CEP112: variants seen among roughly 807,000 people sequenced by gnomAD.
CEP112 encodes centrosomal protein 112.
In CEP112, 127 loss-of-function variants were observed where a neutral mutation model predicts 153.0. The ratio of observed to expected loss-of-function variants is 0.83; its 90% CI spans 0.72 to 0.96. The LOEUF (loss-of-function observed/expected upper bound fraction) is 0.96, where lower values mean the gene tolerates loss of function less well. Ranked by LOEUF, CEP112 falls within the 40% of genes least tolerant of loss-of-function variation. The pLI is 0.00. For missense variants in CEP112, 1,089 were observed against 1,101.2 expected (o/e 0.99, Z 0.16); for synonymous variants, 358 against 374.4 (o/e 0.96, Z 0.51).
chr17:66,028,273 G>T, intron 15 of CEP112, 40 bp downstream of exon 15: 1 of 1,235,916 alleles, frequency 8.1e-7, no homozygotes, highest in Non-Finnish European at 1.2e-6. Context: ...AGAAAACTGT[G>T]TTTGACCATT....
At chr17:65,919,954 T>TATGA (rs1341932221) in intron 19 of CEP112, among the ~76,000 whole-genome samples, 1 of 152,102 alleles carries the variant, frequency 6.6e-6, no homozygotes, top group Non-Finnish European at 1.5e-5. Context: ...ATCCACCACC[T>TATGA]ATGAACTCTG....
intron 24 of CEP112, among the ~76,000 whole-genome samples, chr17:65,688,035 C>T (rs1220756050): frequency 6.6e-6 from 1 of 152,166 alleles, no homozygotes; most frequent in Non-Finnish European, 1.5e-5. Context: ...TACATGTTGA[C>T]TTTTTAGTTT....
chr17:65,951,792 T>TCTGGTTTCA (rs2061846006), intron 18 of CEP112, among the ~76,000 whole-genome samples: 1 of 147,968 alleles, frequency 6.8e-6, no homozygotes, highest in Non-Finnish European at 1.5e-5. Flanking sequence ...CTTTTCTTTT[T>TCTGGTTTCA]CTGGTTTCAT....
At chr17:65,872,941 T>C (rs1410166842) in intron 20 of CEP112, 1 of 152,226 alleles carries the variant, frequency 6.6e-6, no homozygotes, top group Non-Finnish European at 1.5e-5. Flanking sequence ...GCCTACTAGT[T>C]GCATGTTGTA....
intron 4 of CEP112, among the ~76,000 whole-genome samples, chr17:66,170,148 C>T (rs2072183948): frequency 6.6e-6 from 1 of 152,146 alleles, no homozygotes; most frequent in African/African-American, 2.4e-5. Context: ...TATCCCATTA[C>T]CATTGCCATA....
At chr17:65,989,214 G>C (rs2063505648) in intron 17 of CEP112, among the ~76,000 whole-genome samples, 1 of 140,480 alleles carries the variant, frequency 7.1e-6, no homozygotes, top group South Asian at 2.3e-4. Context: ...CAGCCTGGGA[G>C]ACAGAGTGAG....
In CEP112 at chr17:65,986,199, C is replaced by G. The variant is rs578246918; in HGVS notation, c.1736+19491G>C. On this transcript the variant is annotated intron_variant, in intron 17 of 26. Coordinates refer to ENST00000535342, the MANE Select transcript of CEP112 (RefSeq NM_001199165.4). ...GAAAAAAAATAAAACATCGCAAGAACAGTAATAACTCAGATAAACAGAAAA... is the reference window on the plus strand; with the variant it reads ...GAAAAAAAATAAAACATCGCAAGAAGAGTAATAACTCAGATAAACAGAAAA... 2.0e-5 allele frequency among the ~76,000 whole-genome samples: 3 copies of G among 152,052 alleles called. No homozygotes were observed. In the South Asian group the frequency reaches 6.2e-4, roughly 32 times the overall value.
intron 23 of CEP112, among the ~76,000 whole-genome samples, chr17:65,739,864 T>C (rs2051025827): frequency 6.6e-6 from 1 of 152,224 alleles, no homozygotes; most frequent in Non-Finnish European, 1.5e-5. Flanking sequence ...ATGCCTGCTG[T>C]TAGTCTCACC....
At chr17:66,189,279 T>C (rs2073070644) in intron 1 of CEP112, among the ~76,000 whole-genome samples, 1 of 152,154 alleles carries the variant, frequency 6.6e-6, no homozygotes, top group South Asian at 2.1e-4. Flanking sequence ...GGCAGGCGGA[T>C]AACTTGAGGT....
At chr17:65,945,709 C>A (rs573229484) in intron 18 of CEP112, among the ~76,000 whole-genome samples, 1 of 151,936 alleles carries the variant, frequency 6.6e-6, no homozygotes, top group African/African-American at 2.4e-5. Flanking sequence ...TGTAATGGTG[C>A]GATCTCGGCT....
intron 5 of CEP112, 27 bp downstream of exon 5, chr17:66,132,643 C>A (rs1457745817): frequency 3.9e-6 from 6 of 1,535,370 alleles, no homozygotes; most frequent in Non-Finnish European, 4.5e-6. Flanking sequence ...CAAGCAAAAA[C>A]CAAACAAAAG....
intron 17 of CEP112, among the ~76,000 whole-genome samples, chr17:65,970,417 AT>A (rs2062664201): frequency 1.1e-5 from 1 of 94,426 alleles, no homozygotes; most frequent in East Asian, 1.4e-3. Flanking sequence ...TCATGCATGT[AT>A]ATTACATGCA....
intron 24 of CEP112, among the ~76,000 whole-genome samples, chr17:65,643,389 C>T (rs949197288): frequency 1.3e-5 from 2 of 152,102 alleles, no homozygotes; most frequent in African/African-American, 2.4e-5. Flanking sequence ...CCTCTGCCTC[C>T]CAGGTTCCAG....
At chr17:65,864,757 G>C (rs977335838) in intron 20 of CEP112, among the ~76,000 whole-genome samples, 2 of 152,130 alleles carry the variant, frequency 1.3e-5, no homozygotes, top group African/African-American at 4.8e-5. Context: ...TTATTACAAG[G>C]ACGTAAATGC....
At chr17:66,054,652 G>A (rs2145943116) in intron 11 of CEP112, among the ~76,000 whole-genome samples, 1 of 152,230 alleles carries the variant, frequency 6.6e-6, no homozygotes, top group South Asian at 2.1e-4. Context: ...CTTAATGGGG[G>A]TACAACTCCG....
At chr17:65,938,757 A>G (rs1468459260) in intron 18 of CEP112, among the ~76,000 whole-genome samples, 6 of 152,262 alleles carry the variant, frequency 3.9e-5, no homozygotes, top group Admixed American at 6.5e-5. Flanking sequence ...AGAGTTGAAT[A>G]AAATCAACAT....
chr17:66,173,367 T>C (rs1234113014), intron 4 of CEP112, among the ~76,000 whole-genome samples: 1 of 152,192 alleles, frequency 6.6e-6, no homozygotes, highest in Non-Finnish European at 1.5e-5. Flanking sequence ...TTATATGAAA[T>C]TCCCCAAATG....
intron 4 of CEP112, among the ~76,000 whole-genome samples, chr17:66,161,156 T>C (rs868821693): frequency 6.6e-6 from 1 of 152,206 alleles, no homozygotes; most frequent in African/African-American, 2.4e-5. Context: ...CCAGTTAGAA[T>C]GGCAATCACT....
At chr17:65,906,514 A>G (rs1334311487) in intron 19 of CEP112, among the ~76,000 whole-genome samples, 1 of 152,186 alleles carries the variant, frequency 6.6e-6, no homozygotes, top group Non-Finnish European at 1.5e-5. Context: ...TCTTGAACAT[A>G]TACACTTATA....
Sources: allele counts gnomAD v4.1 joint callset (sites outside exome capture counted in the v4.1 genomes callset), GRCh38; gene constraint gnomAD v4.1.1; transcripts MANE v1.5; gene names NCBI Gene and HGNC (gene_info 2026-07-23, HGNC 2026-07-21).